Variants in ARNT2 observed in about 807,000 individuals in gnomAD.
ARNT2 encodes the protein aryl hydrocarbon receptor nuclear translocator 2.
A neutral mutation model predicts 91.7 loss-of-function variants in ARNT2; 36 were observed. The ratio of observed to expected loss-of-function variants is 0.39; its 90% confidence interval spans 0.30 to 0.52. The LOEUF is 0.52. Ranked by LOEUF, ARNT2 falls within the 20% of genes least tolerant of loss-of-function variation. The pLI is 0.72. For synonymous variants in ARNT2, 365 were observed against 347.1 expected (o/e 1.05, Z -0.57); for missense variants, 775 against 939.3 (o/e 0.83, Z 2.29).
chr15:80,514,014 T>C, intron 7 of ARNT2, 38 bp downstream of exon 7: 2 of 1,568,242 alleles, frequency 1.3e-6, no homozygotes, highest in South Asian at 1.1e-5. Flanking sequence ...GGGACTGTTC[T>C]GGTAGATAGT....
At chr15:80,462,901 G>T (rs1896582248) in intron 3 of ARNT2, among the ~76,000 whole-genome samples, 1 of 152,194 alleles carries the variant, frequency 6.6e-6, no homozygotes, top group Non-Finnish European at 1.5e-5. Context: ...TTCCCTTTTG[G>T]TTTTGTGTGG....
chr15:80,541,223 T>G (rs546135209), intron 8 of ARNT2, among the ~76,000 whole-genome samples: 1 of 152,356 alleles, frequency 6.6e-6, no homozygotes, highest in African/African-American at 2.4e-5. Context: ...TTGTTTGATA[T>G]TTCTCTGATG....
intron 8 of ARNT2, among the ~76,000 whole-genome samples, chr15:80,521,682 C>T (rs1040547905): frequency 1.1e-4 from 17 of 152,150 alleles, no homozygotes; most frequent in Middle Eastern, 3.4e-3. Flanking sequence ...TTTGAAGAAA[C>T]GCCAATGCCA....
At chr15:80,510,699 C>T (rs901382090) in intron 6 of ARNT2, among the ~76,000 whole-genome samples, 3 of 150,926 alleles carry the variant, frequency 2.0e-5, no homozygotes, top group African/African-American at 4.9e-5. Context: ...TGTGGTGACG[C>T]GTGCTTGTAG....
At chr15:80,520,877 C>G (rs1897533841) in intron 8 of ARNT2, among the ~76,000 whole-genome samples, 1 of 152,090 alleles carries the variant, frequency 6.6e-6, no homozygotes, top group South Asian at 2.1e-4. Flanking sequence ...AGAGTTTACC[C>G]CAAGATAACT....
intron 8 of ARNT2, among the ~76,000 whole-genome samples, chr15:80,539,273 C>G (rs1380269663): frequency 6.6e-6 from 1 of 151,856 alleles, no homozygotes; most frequent in Non-Finnish European, 1.5e-5. Context: ...GCTAGCAAAT[C>G]AAATTAATAG....
intron 5 of ARNT2, among the ~76,000 whole-genome samples, chr15:80,500,619 T>C (rs1324784617): frequency 1.3e-5 from 2 of 152,230 alleles, no homozygotes; most frequent in Admixed American, 1.3e-4. Context: ...CAAATCAGCT[T>C]ACTGCAAACA....
chr15:80,456,625 G>C (rs1170211555), intron 2 of ARNT2, among the ~76,000 whole-genome samples: 1 of 152,188 alleles, frequency 6.6e-6, no homozygotes, highest in Non-Finnish European at 1.5e-5. Context: ...GATTTGTCTT[G>C]TTGGGAGCTT....
chr15:80,424,935 C>G (rs186737961), intron 1 of ARNT2, among the ~76,000 whole-genome samples: 2 of 152,354 alleles, frequency 1.3e-5, no homozygotes, highest in Admixed American at 1.3e-4. Context: ...TGAATTTTAT[C>G]CAGTTCCTTG....
intron 5 of ARNT2, among the ~76,000 whole-genome samples, chr15:80,479,919 A>G (rs1327864884): frequency 6.6e-6 from 1 of 151,970 alleles, no homozygotes; most frequent in Non-Finnish European, 1.5e-5. Flanking sequence ...CTTGGAGGAA[A>G]TCAGGTGCTG....
intron 8 of ARNT2, among the ~76,000 whole-genome samples, chr15:80,528,414 T>TATC (rs1566994125): frequency 5.8e-5 from 8 of 137,414 alleles, no homozygotes; most frequent in African/African-American, 1.4e-4. Context: ...ATCTATCTAT[T>TATC]TATCATCTAT....
At chr15:80,473,021 GA>G (rs1353809311) in intron 4 of ARNT2, among the ~76,000 whole-genome samples, 3 of 152,164 alleles carry the variant, frequency 2.0e-5, no homozygotes, top group Non-Finnish European at 4.4e-5. Context: ...CAGCTGCTTG[GA>G]TGGTGATGAT....
At chr15:80,508,447 C>T (rs1566989860) in intron 6 of ARNT2, among the ~76,000 whole-genome samples, 189 bp downstream of exon 6, 1 of 152,164 alleles carries the variant, frequency 6.6e-6, no homozygotes, top group Non-Finnish European at 1.5e-5. Flanking sequence ...TCTCTATCCT[C>T]CTACCATCCC....
chr15:80,593,721 G>C lies in ARNT2; in HGVS notation c.*23G>C. The C allele has an allele frequency of 6.4e-7, 1 of 1,569,988 alleles. No individual in the cohort carries two copies. Among genetic ancestry groups the C allele is most frequent in the Non-Finnish European group, 8.7e-7 (1 of 1,150,034 alleles). ...TAGCTGCGGCCAGAGTGAGGCTCCT[G>C]CTGTACAGTGCCACCCATACTGTGA... On this transcript the variant is annotated 3_prime_UTR_variant, in exon 19 of 19. Coordinates refer to ENST00000303329, the MANE Select transcript of ARNT2 (RefSeq NM_014862.4).
intron 1 of ARNT2, among the ~76,000 whole-genome samples, chr15:80,412,219 A>T (rs1895691832): frequency 6.6e-6 from 1 of 152,228 alleles, no homozygotes; most frequent in Non-Finnish European, 1.5e-5. Context: ...AAATGTTTAC[A>T]AATAGGTACT....
intron 18 of ARNT2, 98 bp from the exon 19 acceptor site, chr15:80,593,502 G>A: frequency 1.1e-6 from 1 of 939,228 alleles, no homozygotes; most frequent in Non-Finnish European, 1.6e-6. Context: ...CTTTAGGGAT[G>A]GCCATGAGGG....
intron 8 of ARNT2, among the ~76,000 whole-genome samples, chr15:80,529,855 A>G (rs924851557): frequency 1.3e-5 from 2 of 152,148 alleles, no homozygotes; most frequent in African/African-American, 4.8e-5. Context: ...TCTTCTATTC[A>G]TGGTTACTGT....
rs374473782 is a variant in ARNT2, at chr15:80,591,524, G to A, written c.1919-44G>A. 7.3e-5 allele frequency: 117 copies of A among 1,610,132 alleles called. 1 individual carries two copies. The highest frequency in any genetic ancestry group is 8.5e-5 in the Non-Finnish European group (100 of 1,177,114). ...TGGTTCTTAGGTCTCACAGAACCACGGGATGGCTTTTAAAGGAAGTGTCCT... is the reference window on the plus strand; with the variant it reads ...TGGTTCTTAGGTCTCACAGAACCACAGGATGGCTTTTAAAGGAAGTGTCCT... On this transcript the variant is annotated intron_variant, in intron 17 of 18. Transcript: ENST00000303329. The surrounding 1 kb of genome is among the most constrained non-coding windows in gnomAD (Gnocchi z 5.1).
intron 8 of ARNT2, among the ~76,000 whole-genome samples, chr15:80,546,679 C>G (rs1897995947): frequency 6.6e-6 from 1 of 152,080 alleles, no homozygotes; most frequent in Non-Finnish European, 1.5e-5. Context: ...GAAATAGAGG[C>G]AATGGCTGGG....
Sources: allele counts gnomAD v4.1 joint callset (sites outside exome capture counted in the v4.1 genomes callset), GRCh38; gene constraint gnomAD v4.1.1; non-coding constraint Gnocchi (gnomAD v3.1); transcripts MANE v1.5; gene names NCBI Gene and HGNC (gene_info 2026-07-23, HGNC 2026-07-21).